Variants in NR3C2 observed in about 807,000 individuals in gnomAD.
The protein encoded by NR3C2 is mineralocorticoid receptor.
In NR3C2, 15 loss-of-function variants were observed where a neutral mutation model predicts 86.4. The ratio of observed to expected loss-of-function variants is 0.17; its 90% CI spans 0.12 to 0.27. The LOEUF is 0.27. Ranked by LOEUF, NR3C2 falls within the 10% of genes least tolerant of loss-of-function variation. The pLI, the probability that NR3C2 is intolerant of heterozygous loss-of-function variation, is 1.00. For missense variants in NR3C2, 960 were observed against 1,195.6 expected (o/e 0.80, Z 2.91); for synonymous variants, 458 against 450.5 (o/e 1.02, Z -0.21).
chr4:148,346,164 G>T (rs1308555399), intron 2 of NR3C2, among the ~76,000 whole-genome samples: 1 of 152,092 alleles, frequency 6.6e-6, no homozygotes, highest in Non-Finnish European at 1.5e-5. Context: ...AGGCATGTTT[G>T]CACTTTATAC....
intron 6 of NR3C2, among the ~76,000 whole-genome samples, chr4:148,127,605 C>T (rs1732813202): frequency 6.6e-6 from 1 of 152,182 alleles, no homozygotes; most frequent in Non-Finnish European, 1.5e-5. Context: ...CTAGTCTCTA[C>T]TTAAGAACCG....
chr4:148,181,298 G>A (rs1735633259), intron 4 of NR3C2, among the ~76,000 whole-genome samples: 1 of 152,180 alleles, frequency 6.6e-6, no homozygotes, highest in African/African-American at 2.4e-5. Context: ...TGAAGTGAGA[G>A]GGGTAGTTTA....
At chr4:148,357,967 C>T (rs1745631011) in intron 2 of NR3C2, among the ~76,000 whole-genome samples, 1 of 152,184 alleles carries the variant, frequency 6.6e-6, no homozygotes, top group South Asian at 2.1e-4. Context: ...AAAATATCCT[C>T]TTTCAAAGGA....
At chr4:148,414,833 T>A (rs1748914219) in intron 2 of NR3C2, among the ~76,000 whole-genome samples, 2 of 152,212 alleles carry the variant, frequency 1.3e-5, no homozygotes, top group Admixed American at 6.5e-5. Flanking sequence ...GCTGAATAAA[T>A]CATAAATGTA....
intron 6 of NR3C2, among the ~76,000 whole-genome samples, chr4:148,133,921 C>T (rs1733154864): frequency 6.6e-6 from 1 of 152,190 alleles, no homozygotes; most frequent in Non-Finnish European, 1.5e-5. Context: ...AAAGTAAGCA[C>T]ACTTGCTTTC....
At chr4:148,275,905 T>C (rs949028418) in intron 2 of NR3C2, among the ~76,000 whole-genome samples, 1 of 152,172 alleles carries the variant, frequency 6.6e-6, no homozygotes, top group Non-Finnish European at 1.5e-5. Flanking sequence ...GTATTTCAAC[T>C]TAGGGTTTTT....
intron 3 of NR3C2, among the ~76,000 whole-genome samples, chr4:148,247,582 G>T (rs564023014): frequency 7.3e-5 from 11 of 151,544 alleles, no homozygotes; most frequent in African/African-American, 2.7e-4. Flanking sequence ...TTAAAAAATA[G>T]AAGCACACTG....
At chr4:148,341,201 C>T (rs1204470350) in intron 2 of NR3C2, among the ~76,000 whole-genome samples, 7 of 152,048 alleles carry the variant, frequency 4.6e-5, no homozygotes, top group Non-Finnish European at 2.9e-5. Flanking sequence ...AGCCGTGATA[C>T]GTAATCAATC....
At chr4:148,444,266 G>A (rs61760038), upstream of NR3C2, 31,289 of 985,392 alleles carry the variant, frequency 0.032, 524 homozygotes, top group Non-Finnish European at 0.035. Flanking sequence ...AGGAGGGCCG[G>A]TCTTGCCCTG....
chr4:148,331,560 T>G (rs1744237477), intron 2 of NR3C2, among the ~76,000 whole-genome samples: 1 of 152,248 alleles, frequency 6.6e-6, no homozygotes. Context: ...AAGTACAGTT[T>G]AAATTGAACT....
chr4:148,442,876 AT>A (rs984134425), upstream of NR3C2: 2 of 985,208 alleles, frequency 2.0e-6, no homozygotes, highest in Non-Finnish European at 2.4e-6. Context: ...ATCTGGAGAG[AT>A]GTGAAAAGTG....
At chr4:148,440,003 C>T (rs1750258685) in intron 1 of NR3C2, among the ~76,000 whole-genome samples, 1 of 152,172 alleles carries the variant, frequency 6.6e-6, no homozygotes, top group African/African-American at 2.4e-5. Context: ...TGTTTCACCA[C>T]ATTATTGACA....
At chr4:148,414,360 A>G (rs1052577662) in intron 2 of NR3C2, among the ~76,000 whole-genome samples, 1 of 152,186 alleles carries the variant, frequency 6.6e-6, no homozygotes, top group African/African-American at 2.4e-5. Context: ...TCTGTCTCTC[A>G]TTTAAAGAAA....
At chr4:148,309,807 C>T (rs1026933541) in intron 2 of NR3C2, among the ~76,000 whole-genome samples, 4 of 151,632 alleles carry the variant, frequency 2.6e-5, no homozygotes, top group East Asian at 1.9e-4. Context: ...CCATGTAGTA[C>T]GTAAACTTAA....
chr4:148,171,034 T>C (rs939088528), intron 4 of NR3C2, among the ~76,000 whole-genome samples: 2 of 152,178 alleles, frequency 1.3e-5, no homozygotes, highest in Non-Finnish European at 2.9e-5. Context: ...CAAATCAAAA[T>C]TCAAACTGGG....
chr4:148,172,808 G>A (rs542186408), intron 4 of NR3C2, among the ~76,000 whole-genome samples: 2 of 152,202 alleles, frequency 1.3e-5, no homozygotes, highest in South Asian at 2.1e-4. Flanking sequence ...ATAATAAAAT[G>A]TGATGAGTGC....
intron 3 of NR3C2, among the ~76,000 whole-genome samples, chr4:148,222,547 A>G (rs1022723935): frequency 2.0e-5 from 3 of 152,246 alleles, no homozygotes; most frequent in African/African-American, 7.2e-5. Flanking sequence ...GATAATTGAA[A>G]GAGAAGCAAT....
intron 2 of NR3C2, among the ~76,000 whole-genome samples, chr4:148,277,448 G>A (rs911843721): frequency 2.6e-5 from 4 of 152,050 alleles, no homozygotes; most frequent in African/African-American, 9.7e-5. Context: ...CAAGCACAGT[G>A]CTGCATGCCT....
chr4:148,086,618 T>C (rs1730825849), intron 8 of NR3C2, among the ~76,000 whole-genome samples: 1 of 152,140 alleles, frequency 6.6e-6, no homozygotes, highest in African/African-American at 2.4e-5. Flanking sequence ...GGCATACACC[T>C]GCAATCCCAG....
Sources: allele counts gnomAD v4.1 joint callset (sites outside exome capture counted in the v4.1 genomes callset), GRCh38; gene constraint gnomAD v4.1.1; transcripts MANE v1.5; gene names NCBI Gene and HGNC (gene_info 2026-07-23, HGNC 2026-07-21).